The following PRKCB variants were observed in gnomAD, a reference collection of about 807,000 sequenced individuals.
PRKCB encodes the protein protein kinase C beta.
PRKCB carries 13 observed loss-of-function variants against 81.5 expected under a neutral mutation model. The ratio of observed to expected loss-of-function variants is 0.16; its 90% confidence interval spans 0.10 to 0.25. The LOEUF is 0.25. Among genes scored for constraint, PRKCB ranks in the 10% least tolerant of loss-of-function variants. PRKCB has a pLI of 1.00. For synonymous variants in PRKCB, 335 were observed against 321.4 expected, an observed-to-expected ratio of 1.04 and a Z score of -0.45; for missense variants, 509 against 875.7, an observed-to-expected ratio of 0.58 and a Z score of 5.29.
chr16:23,906,412 C>A (rs1396688969), intron 2 of PRKCB, among the ~76,000 whole-genome samples: 2 of 151,928 alleles, frequency 1.3e-5, no homozygotes, highest in African/African-American at 2.4e-5. Flanking sequence ...TGTCTGTTAG[C>A]CTGGCATATG....
chr16:24,207,382 A>G (rs1295048488), intron 16 of PRKCB, among the ~76,000 whole-genome samples: 1 of 152,208 alleles, frequency 6.6e-6, no homozygotes, highest in East Asian at 1.9e-4. Context: ...GTAAATTTTT[A>G]AAATATAATC....
At chr16:24,169,359 G>A (rs574933462) in intron 10 of PRKCB, among the ~76,000 whole-genome samples, 6 of 152,246 alleles carry the variant, frequency 3.9e-5, no homozygotes, top group South Asian at 2.1e-4. Flanking sequence ...TTTGTGGAAC[G>A]TTCAGTCACA....
rs574334366 is a variant in PRKCB, at chr16:24,081,676, C to T, written c.530-11115C>T. Among the ~76,000 whole-genome samples, 8 of 152,146 alleles carry T rather than the reference C, an allele frequency of 5.3e-5. No homozygotes were observed. In the South Asian group the frequency reaches 1.7e-3, roughly 32 times the overall value. ...TCATCTGAGGTCAGGAGTTCGAGAC[C>T]AACCTGGCCAACATGGTGAAACCCC... On this transcript the variant is annotated intron_variant, in intron 5 of 16. Transcript: ENST00000643927.
chr16:23,891,005 GT>G (rs1963284887), intron 2 of PRKCB, among the ~76,000 whole-genome samples: 2 of 19,534 alleles, frequency 1.0e-4, no homozygotes, highest in African/African-American at 2.8e-4. Context: ...TATAATGCGT[GT>G]GTGTGTGTGT....
At chr16:24,132,761 T>C (rs1966855189) in intron 9 of PRKCB, among the ~76,000 whole-genome samples, 1 of 144,498 alleles carries the variant, frequency 6.9e-6, no homozygotes, top group Admixed American at 7.0e-5. Flanking sequence ...TAGATGTGTA[T>C]GATTTGGGGC....
chr16:23,964,499 C>T (rs1372990470), intron 2 of PRKCB, among the ~76,000 whole-genome samples: 1 of 152,140 alleles, frequency 6.6e-6, no homozygotes, highest in Non-Finnish European at 1.5e-5. Context: ...TAGAACATTG[C>T]CTGGCTCTTG....
chr16:24,138,047 T>C (rs1322506783), intron 9 of PRKCB, among the ~76,000 whole-genome samples: 2 of 152,232 alleles, frequency 1.3e-5, no homozygotes, highest in Non-Finnish European at 2.9e-5. Context: ...TGTTATTATC[T>C]GCATTTTTAA....
At chr16:24,013,442 A>G (rs1056377484) in intron 3 of PRKCB, among the ~76,000 whole-genome samples, 4 of 152,186 alleles carry the variant, frequency 2.6e-5, no homozygotes, top group Admixed American at 1.3e-4. Context: ...CGAGTTACTT[A>G]ACTTCTCTGT....
At chr16:24,066,075 CTGTGTGTG>C (rs58216806) in intron 5 of PRKCB, among the ~76,000 whole-genome samples, 24 of 139,686 alleles carry the variant, frequency 1.7e-4, no homozygotes, top group Non-Finnish European at 2.2e-4. Context: ...TGTGATGTTC[CTGTGTGTG>C]TGTGTGTGTG....
At chr16:23,919,791 A>G (rs892359578) in intron 2 of PRKCB, among the ~76,000 whole-genome samples, 7 of 152,236 alleles carry the variant, frequency 4.6e-5, no homozygotes, top group African/African-American at 1.7e-4. Flanking sequence ...TTCTTTGTGT[A>G]ACGTTATCAA....
At chr16:24,070,294 A>C (rs144483156) in intron 5 of PRKCB, among the ~76,000 whole-genome samples, 1 of 152,050 alleles carries the variant, frequency 6.6e-6, no homozygotes, top group East Asian at 1.9e-4. Flanking sequence ...GATTACAGGC[A>C]TGTGCCATCA....
rs143267981 is a variant in PRKCB, at chr16:23,852,066, G to A, written c.205+14660G>A. 8.8e-4 allele frequency among the ~76,000 whole-genome samples: 134 copies of A among 152,258 alleles called. 3 individuals carry two copies. Among genetic ancestry groups the A allele is most frequent in the Admixed American group, 6.9e-3 (106 of 15,294 alleles). On this transcript the variant is annotated intron_variant, in intron 2 of 16. Coordinates refer to ENST00000643927, the MANE Select transcript of PRKCB (RefSeq NM_002738.7). ...TATAAAATCACCTTGTCAACAAATA[G>A]AGACAAGTTCACTTCTTCCCTTCCT...
In PRKCB at chr16:24,211,557, C is replaced by CTTT. The variant is rs34318557; in HGVS notation, c.1864-3085_1864-3083dup. Among the ~76,000 whole-genome samples, 497 of 130,456 alleles carry CTTT rather than the reference C, an allele frequency of 3.8e-3. 8 individuals carry two copies. The highest frequency in any genetic ancestry group is 0.013 in the African/African-American group (458 of 34,980). The allele number at this position is 130,456 out of a possible 152,430, so 85.6% of individuals were successfully genotyped here. The stretch of plus-strand genomic sequence containing the variant: ...GGTTTGAATTCAGTCTACAGACTCA[C>CTTT]TTTTTTTTTTTTTTTTTTGCGATGG... On this transcript the variant is annotated intron_variant, in intron 16 of 16. Transcript: ENST00000643927.
Position 23,902,796 on chromosome 16 carries a change from CCCTT to C in PRKCB, c.205+65407_205+65410del, listed in dbSNP as rs1256394787. Among the ~76,000 whole-genome samples, 33 of 50,148 alleles carry C rather than the reference CCCTT, an allele frequency of 6.6e-4. 1 individual carries two copies. Among genetic ancestry groups the C allele is most frequent in the African/African-American group, 2.5e-3 (25 of 10,024 alleles). The allele number at this position is 50,148 out of a possible 152,430, so 32.9% of individuals were successfully genotyped here. A position where few individuals can be genotyped will look rare whatever the true frequency, so the allele number is the denominator to read the frequency against. ...TTCCTTCCTTCCTCCCTCCCTCCCT[CCCTT>C]CCTTCCTTCCTTCCTTTTTTTGAGA... On this transcript the variant is annotated intron_variant, in intron 2 of 16. Coordinates refer to ENST00000643927, the MANE Select transcript of PRKCB (RefSeq NM_002738.7).
At chr16:24,207,068 C>A (rs1168206139) in intron 16 of PRKCB, among the ~76,000 whole-genome samples, 1 of 152,196 alleles carries the variant, frequency 6.6e-6, no homozygotes, top group Non-Finnish European at 1.5e-5. Context: ...GTAGCTGGGA[C>A]TACAGGCATG....
chr16:24,093,586 A>G (rs921269283), intron 6 of PRKCB, among the ~76,000 whole-genome samples: 5 of 152,178 alleles, frequency 3.3e-5, no homozygotes, highest in African/African-American at 4.8e-5. Context: ...GTCCCATAGC[A>G]AATATGGGGT....
At chr16:24,038,607 T>A (rs1965655044) in intron 5 of PRKCB, among the ~76,000 whole-genome samples, 1 of 152,242 alleles carries the variant, frequency 6.6e-6, no homozygotes, top group African/African-American at 2.4e-5. Flanking sequence ...GTACTCAGCA[T>A]GGGCTTGTTG....
intron 14 of PRKCB, 108 bp downstream of exon 14, chr16:24,185,299 T>A (rs1967686154): frequency 2.4e-6 from 3 of 1,276,510 alleles, no homozygotes; most frequent in African/African-American, 3.0e-5. Flanking sequence ...GGAACCTCTA[T>A]GACTTTCCCG....
intron 5 of PRKCB, among the ~76,000 whole-genome samples, chr16:24,076,232 A>G (rs1167320594): frequency 6.6e-6 from 1 of 152,200 alleles, no homozygotes; most frequent in African/African-American, 2.4e-5. Flanking sequence ...CCTTATTTAT[A>G]TGCCCCAGTT....
Sources: gnomAD v4.1 joint callset for allele counts (sites outside exome capture counted in the v4.1 genomes callset) on GRCh38, gnomAD v4.1.1 for gene constraint, MANE v1.5 for transcripts, NCBI Gene and HGNC (gene_info 2026-07-23, HGNC 2026-07-21) for gene names.